LDLRAD3: variants seen among roughly 807,000 people sequenced by gnomAD.
LDLRAD3 encodes low density lipoprotein receptor class A domain containing 3.
LDLRAD3 carries 20 observed loss-of-function variants against 29.4 expected under a neutral mutation model. The observed-to-expected ratio is 0.68, with a 90% CI of 0.48 to 0.99. LDLRAD3 has a LOEUF of 0.99. LDLRAD3 is among the 50% of genes least tolerant of loss of function. LDLRAD3 has a pLI of 0.00. For missense variants in LDLRAD3, 420 were observed against 454.3 expected (o/e 0.92, Z 0.69); for synonymous variants, 157 against 192.7 (o/e 0.81, Z 1.53).
chr11:36,016,471 G>A (rs1271304518), intron 1 of LDLRAD3, among the ~76,000 whole-genome samples: 1 of 152,078 alleles, frequency 6.6e-6, no homozygotes, highest in East Asian at 1.9e-4. Flanking sequence ...TTCCTTTTGG[G>A]TTTTGTTTCT....
At chr11:36,181,466 A>G (rs34423444) in intron 4 of LDLRAD3, among the ~76,000 whole-genome samples, 3,694 of 152,220 alleles carry the variant, frequency 0.024, 145 homozygotes, top group African/African-American at 0.083. Flanking sequence ...AAACAGAGTC[A>G]GGTGAAGTGT....
At chr11:36,172,311 A>G (rs925040613) in intron 4 of LDLRAD3, among the ~76,000 whole-genome samples, 1 of 151,834 alleles carries the variant, frequency 6.6e-6, no homozygotes, top group Admixed American at 6.6e-5. Flanking sequence ...GACAATTTGG[A>G]TGCCCTTTAT....
chr11:36,174,784 A>G (rs934336901), intron 4 of LDLRAD3, among the ~76,000 whole-genome samples: 3 of 152,160 alleles, frequency 2.0e-5, no homozygotes, highest in Non-Finnish European at 1.5e-5. Flanking sequence ...GATCGAGACC[A>G]TCCTGGCTAA....
intron 1 of LDLRAD3, among the ~76,000 whole-genome samples, chr11:35,965,002 A>C (rs1851321457): frequency 6.6e-6 from 1 of 151,528 alleles, no homozygotes; most frequent in Admixed American, 6.6e-5. Context: ...AAAAAAAAAA[A>C]TAGTGTTGAG....
intron 1 of LDLRAD3, among the ~76,000 whole-genome samples, chr11:36,014,224 G>C (rs1375787255): frequency 1.3e-5 from 2 of 152,180 alleles, no homozygotes; most frequent in Non-Finnish European, 2.9e-5. Flanking sequence ...GAGTTGCTCT[G>C]GGCAGAAGTT....
chr11:36,080,015 A>G (rs1366120440), intron 2 of LDLRAD3, among the ~76,000 whole-genome samples: 1 of 152,234 alleles, frequency 6.6e-6, no homozygotes, highest in Non-Finnish European at 1.5e-5. Context: ...ACAAAGCCAC[A>G]TGGGTTTTTG....
intron 1 of LDLRAD3, among the ~76,000 whole-genome samples, chr11:35,982,466 C>T (rs528924257): frequency 7.7e-4 from 117 of 152,292 alleles, no homozygotes; most frequent in African/African-American, 2.7e-3. Flanking sequence ...GATCCTGTCT[C>T]CAAATATGGC....
chr11:36,098,999 T>C (rs79481735), intron 4 of LDLRAD3, among the ~76,000 whole-genome samples: 4,303 of 151,918 alleles, frequency 0.028, 92 homozygotes, highest in Non-Finnish European at 0.046. Flanking sequence ...ATTTTTTTTT[T>C]CCCATTTTTG....
At chr11:36,115,640 G>A (rs572791125) in intron 4 of LDLRAD3, among the ~76,000 whole-genome samples, 1 of 152,046 alleles carries the variant, frequency 6.6e-6, no homozygotes, top group African/African-American at 2.4e-5. Context: ...ATCACCCCAC[G>A]GTCACATCCG....
At chr11:36,021,127 G>A (rs1314023293) in intron 1 of LDLRAD3, among the ~76,000 whole-genome samples, 1 of 152,188 alleles carries the variant, frequency 6.6e-6, no homozygotes, top group Non-Finnish European at 1.5e-5. Context: ...GCTTGTGCCA[G>A]GGATGGAAGT....
rs1851026846 is a variant in LDLRAD3, at chr11:35,944,295, C to T, written c.46+151C>T. Among the ~76,000 whole-genome samples, 1 of 151,278 alleles carries T rather than the reference C, an allele frequency of 6.6e-6. No homozygotes were observed. Among genetic ancestry groups the T allele is most frequent in the Admixed American group, 6.6e-5 (1 of 15,216 alleles). On this transcript the variant is annotated intron_variant, in intron 1 of 5. Coordinates refer to ENST00000315571, the MANE Select transcript of LDLRAD3 (RefSeq NM_174902.4). This position sits in a 1 kb window ranked among gnomAD's most constrained non-coding sequence, Gnocchi z 4.9. ...AGGGCGGACCCCGGCGCCGGGCTGG[C>T]CCGGACCCTGCCGAGGGGCCGCCGC... is the stretch of plus-strand genomic sequence containing the variant.
At chr11:36,073,020 GC>G (rs10713591) in intron 2 of LDLRAD3, among the ~76,000 whole-genome samples, 101,779 of 152,112 alleles carry the variant, frequency 0.67, 34,132 homozygotes, top group African/African-American at 0.68. Flanking sequence ...CTGAGACTTT[GC>G]CTTCCTGTAT....
Position 36,002,264 on chromosome 11 carries a change from A to T in LDLRAD3, c.47-33839A>T, listed in dbSNP as rs76176423. 2.0e-3 allele frequency among the ~76,000 whole-genome samples: 297 copies of T among 152,304 alleles called. 8 individuals carry two copies. The East Asian group carries it at 0.048, about 25-fold the overall frequency. ...ATACACTTAACAGTCATTCCTGTTGATCAGAAAAATCCCCAGAAATTCCAC... is the reference window on the plus strand; with the variant it reads ...ATACACTTAACAGTCATTCCTGTTGTTCAGAAAAATCCCCAGAAATTCCAC... On this transcript the variant is annotated intron_variant, in intron 1 of 5. Coordinates refer to ENST00000315571, the MANE Select transcript of LDLRAD3 (RefSeq NM_174902.4).
chr11:36,069,955 G>C (rs1023887141), intron 2 of LDLRAD3, among the ~76,000 whole-genome samples: 3 of 152,138 alleles, frequency 2.0e-5, no homozygotes, highest in Admixed American at 6.5e-5. Context: ...GACCGTGGCC[G>C]ACCTCAGCTG....
At chr11:36,077,608 G>C (rs1210252471) in intron 2 of LDLRAD3, among the ~76,000 whole-genome samples, 1 of 152,218 alleles carries the variant, frequency 6.6e-6, no homozygotes, top group Non-Finnish European at 1.5e-5. Context: ...CAGCATGGGT[G>C]CCAGCTCCCT....
intron 1 of LDLRAD3, among the ~76,000 whole-genome samples, chr11:35,949,504 C>T (rs1851104095): frequency 6.6e-6 from 1 of 152,214 alleles, no homozygotes; most frequent in Admixed American, 6.5e-5. Context: ...ATAATTCCTT[C>T]TCCCTTGCCA....
At chr11:36,179,942 C>G (rs1854732668) in intron 4 of LDLRAD3, among the ~76,000 whole-genome samples, 2 of 152,120 alleles carry the variant, frequency 1.3e-5, no homozygotes, top group African/African-American at 4.8e-5. Context: ...CCATAGTAAG[C>G]CGTGATCACA....
Position 36,229,475 on chromosome 11 carries a change from G to T in LDLRAD3, c.*78G>T. ...TTCTAACAATTTGTGCTCATGGGAA[G>T]CTCTTTAAGCACCTGTAAGGGTGTC... On this transcript the variant is annotated 3_prime_UTR_variant, in exon 6 of 6. Transcript: ENST00000315571. 9.7e-7 allele frequency: 1 copy of T among 1,031,476 alleles called. No individual in the cohort carries two copies. The highest frequency in any genetic ancestry group is 1.4e-5 in the South Asian group (1 of 71,706). The allele number at this position is 1,031,476 out of a possible 1,614,324, so 63.9% of individuals were successfully genotyped here. A position where few individuals can be genotyped will look rare whatever the true frequency, so the allele number is the denominator to read the frequency against.
chr11:36,062,084 T>A (rs78382838), intron 2 of LDLRAD3, among the ~76,000 whole-genome samples: 13 of 152,146 alleles, frequency 8.5e-5, no homozygotes, highest in African/African-American at 3.1e-4. Flanking sequence ...TCATCTCCCA[T>A]TTTACAGATG....
Sources: allele counts gnomAD v4.1 joint callset (sites outside exome capture counted in the v4.1 genomes callset), GRCh38; gene constraint gnomAD v4.1.1; non-coding constraint Gnocchi (gnomAD v3.1); transcripts MANE v1.5; gene names NCBI Gene and HGNC (gene_info 2026-07-23, HGNC 2026-07-21).